The following KAZN variants were observed in gnomAD, a reference collection of about 807,000 sequenced individuals.
The protein encoded by KAZN is kazrin.
A neutral mutation model predicts 87.4 loss-of-function variants in KAZN; 40 were observed. The ratio of observed to expected loss-of-function variants is 0.46; its 90% confidence interval spans 0.36 to 0.60. The LOEUF is 0.60. KAZN is among the 20% of genes least tolerant of loss of function. KAZN has a pLI of 0.00. For synonymous variants in KAZN, 466 were observed against 458.3 expected (o/e 1.02, Z -0.22); for missense variants, 898 against 1,073.9 (o/e 0.84, Z 2.29).
chr1:15,014,970 A>G (rs554252853), intron 2 of KAZN, among the ~76,000 whole-genome samples: 1 of 152,248 alleles, frequency 6.6e-6, no homozygotes, highest in South Asian at 2.1e-4. Context: ...CTGTGCCTCA[A>G]TTGTCCCTTC....
intron 2 of KAZN, among the ~76,000 whole-genome samples, chr1:15,020,832 A>G (rs1670592617): frequency 6.6e-6 from 1 of 152,178 alleles, no homozygotes; most frequent in Admixed American, 6.5e-5. Flanking sequence ...CGCTGGCATG[A>G]TGTGACTTGC....
intron 1 of KAZN, among the ~76,000 whole-genome samples, chr1:13,916,358 G>A (rs1639850468): frequency 6.6e-6 from 1 of 152,150 alleles, no homozygotes. Flanking sequence ...TGTCTCATGA[G>A]TCTGTGTCCG....
chr1:14,776,255 C>T (rs1033933137), intron 1 of KAZN, among the ~76,000 whole-genome samples: 2 of 152,220 alleles, frequency 1.3e-5, no homozygotes, highest in Admixed American at 6.5e-5. Flanking sequence ...CTGCCCGCTT[C>T]GGCCTCCCAA....
chr1:14,779,193 A>G (rs1645262324), intron 1 of KAZN, among the ~76,000 whole-genome samples: 1 of 152,216 alleles, frequency 6.6e-6, no homozygotes, highest in Admixed American at 6.5e-5. Flanking sequence ...GCGAAAGACC[A>G]TGTGCCATGG....
At chr1:14,090,893 C>G (rs1012512326) in intron 1 of KAZN, among the ~76,000 whole-genome samples, 1 of 151,986 alleles carries the variant, frequency 6.6e-6, no homozygotes, top group Non-Finnish European at 1.5e-5. Flanking sequence ...GTGGGTGGAT[C>G]AAGAGGTCAG....
intron 1 of KAZN, among the ~76,000 whole-genome samples, chr1:14,669,347 G>A (rs1639773880): frequency 6.6e-6 from 1 of 152,146 alleles, no homozygotes; most frequent in Non-Finnish European, 1.5e-5. Flanking sequence ...ATCCCACAAT[G>A]AACAAGACAG....
At chr1:14,726,540 T>G (rs1287254603) in intron 1 of KAZN, among the ~76,000 whole-genome samples, 1 of 152,148 alleles carries the variant, frequency 6.6e-6, no homozygotes, top group Non-Finnish European at 1.5e-5. Context: ...CTTCCTCGAG[T>G]GTCTGTGGGC....
chr1:14,347,728 T>C (rs1181547671), intron 2 of KAZN, among the ~76,000 whole-genome samples: 1 of 152,108 alleles, frequency 6.6e-6, no homozygotes, highest in African/African-American at 2.4e-5. Context: ...ACCTAGACTA[T>C]GTAAAGGGTG....
intron 1 of KAZN, among the ~76,000 whole-genome samples, chr1:14,612,305 C>G (rs759360070): frequency 1.3e-5 from 2 of 152,146 alleles, no homozygotes; most frequent in South Asian, 2.1e-4. Context: ...TCCCAAGACC[C>G]GCGCTCTAAC....
intron 2 of KAZN, among the ~76,000 whole-genome samples, chr1:14,446,781 C>A (rs1466162202): frequency 1.3e-5 from 2 of 152,172 alleles, no homozygotes; most frequent in Admixed American, 1.3e-4. Context: ...GCTGGTGCAG[C>A]AGCCTGTCCT....
At chr1:14,429,540 C>T (rs1160531143) in intron 2 of KAZN, among the ~76,000 whole-genome samples, 1 of 152,156 alleles carries the variant, frequency 6.6e-6, no homozygotes, top group African/African-American at 2.4e-5. Flanking sequence ...ATGGGATACA[C>T]TATGGCAGGC....
chr1:14,956,072 T>C (rs1030253307), intron 1 of KAZN, among the ~76,000 whole-genome samples: 1 of 152,212 alleles, frequency 6.6e-6, no homozygotes, highest in Non-Finnish European at 1.5e-5. Context: ...GGCATTACTT[T>C]GTTTTGTTTT....
At chr1:13,931,833 G>T (rs1269953017) in intron 1 of KAZN, among the ~76,000 whole-genome samples, 1 of 152,064 alleles carries the variant, frequency 6.6e-6, no homozygotes, top group African/African-American at 2.4e-5. Context: ...CCTTACAAAG[G>T]TGTATAGCTT....
At chr1:14,601,206 T>G (rs1362563249) in intron 1 of KAZN, among the ~76,000 whole-genome samples, 1 of 152,192 alleles carries the variant, frequency 6.6e-6, no homozygotes, top group African/African-American at 2.4e-5. Flanking sequence ...TTGGTATGTC[T>G]CAAAATCTTT....
chr1:14,057,043 C>CAAAAA (rs527243643), intron 1 of KAZN, among the ~76,000 whole-genome samples: 48 of 91,680 alleles, frequency 5.2e-4, no homozygotes, highest in African/African-American at 1.4e-3. Flanking sequence ...GACCCTGTCT[C>CAAAAA]AAAAAAAAAA....
intron 1 of KAZN, among the ~76,000 whole-genome samples, chr1:14,932,678 G>A (rs1659983537): frequency 1.3e-5 from 2 of 152,074 alleles, no homozygotes; most frequent in Non-Finnish European, 2.9e-5. Flanking sequence ...CCGACAAGAT[G>A]TGTGTTTTCC....
chr1:14,835,071 G>T (rs1247788942), intron 1 of KAZN, among the ~76,000 whole-genome samples: 1 of 152,250 alleles, frequency 6.6e-6, no homozygotes, highest in Non-Finnish European at 1.5e-5. Context: ...GTCATAAGCA[G>T]ATTGAGTGCA....
intron 1 of KAZN, among the ~76,000 whole-genome samples, chr1:14,615,073 A>G (rs554176214): frequency 3.3e-5 from 5 of 152,242 alleles, no homozygotes; most frequent in Admixed American, 1.3e-4. Context: ...TGTCGTTAAC[A>G]AATGTTCACA....
intron 2 of KAZN, among the ~76,000 whole-genome samples, chr1:14,518,125 A>G (rs1671391877): frequency 6.9e-6 from 1 of 145,700 alleles, no homozygotes; most frequent in Non-Finnish European, 1.5e-5. Context: ...TGGGGTAGTT[A>G]GTCTCTGTCA....
Sources: allele counts gnomAD v4.1 joint callset (sites outside exome capture counted in the v4.1 genomes callset), GRCh38; gene constraint gnomAD v4.1.1; transcripts MANE v1.5; gene names NCBI Gene and HGNC (gene_info 2026-07-23, HGNC 2026-07-21).